The following ARHGAP26 variants were observed in gnomAD, a reference collection of about 807,000 sequenced individuals.
The protein encoded by ARHGAP26 is rho GTPase-activating protein 26.
A neutral mutation model predicts 104.8 loss-of-function variants in ARHGAP26; 38 were observed. That is an observed-to-expected ratio of 0.36 (90% CI 0.28 to 0.48). The LOEUF (loss-of-function observed/expected upper bound fraction) is 0.48. Among genes scored for constraint, ARHGAP26 ranks in the 20% least tolerant of loss-of-function variants. The pLI, the probability that ARHGAP26 is intolerant of heterozygous loss-of-function variation, is 0.99. For synonymous variants in ARHGAP26, 341 were observed against 340.0 expected (o/e 1.00, Z -0.03); for missense variants, 704 against 947.9 (o/e 0.74, Z 3.38).
chr5:142,926,537 C>G lies in ARHGAP26; in HGVS notation c.1029-5510C>G, dbSNP rs1205427659. On this transcript the variant is annotated intron_variant, in intron 10 of 22. Transcript: ENST00000645722. ...GATTTTTTAGAATTTGCCAAAGACCCCTTCTCTGTTCTTATTAGTTATCAG... is the reference window on the plus strand; with the variant it reads ...GATTTTTTAGAATTTGCCAAAGACCGCTTCTCTGTTCTTATTAGTTATCAG... Among the ~76,000 whole-genome samples, 4 of 152,102 alleles carry G rather than the reference C, an allele frequency of 2.6e-5. No individual in the cohort carries two copies. The East Asian group carries it at 5.8e-4, about 22-fold the overall frequency.
intron 11 of ARHGAP26, among the ~76,000 whole-genome samples, chr5:142,941,123 A>G (rs1017495144): frequency 1.3e-5 from 2 of 149,106 alleles, no homozygotes; most frequent in African/African-American, 4.9e-5. Flanking sequence ...CATTGGGTAT[A>G]TACCCAATGG....
intron 3 of ARHGAP26, among the ~76,000 whole-genome samples, chr5:142,877,186 G>A (rs1026599287): frequency 7.9e-5 from 12 of 152,240 alleles, no homozygotes; most frequent in Admixed American, 5.9e-4. Flanking sequence ...TCTACTGTCT[G>A]CATCTGAGTA....
Position 143,228,881 on chromosome 5 carries a change from A to G in ARHGAP26, c.*6435A>G, listed in dbSNP as rs1811859091. 1.6e-5 allele frequency: 3 copies of G among 188,120 alleles called. No individual in the cohort carries two copies. The East Asian group carries it at 2.5e-4, about 16-fold the overall frequency. 11.7% of individuals were successfully genotyped at this position (188,120 alleles called of 1,614,324 possible). A position where few individuals can be genotyped will look rare whatever the true frequency, so the allele number is the denominator to read the frequency against. The stretch of plus-strand genomic sequence containing the variant: ...GTGTCACCAAATATATCTATAAAGA[A>G]AACAAAATTTCTGTTCAGAGGCCTC... On this transcript the variant is annotated 3_prime_UTR_variant, in exon 23 of 23. Transcript: ENST00000645722.
chr5:143,012,557 A>ATATATATATATATATATATG (rs1351906175), intron 11 of ARHGAP26, among the ~76,000 whole-genome samples: 1 of 69,494 alleles, frequency 1.4e-5, no homozygotes, highest in Admixed American at 1.7e-4. Context: ...ACATACATAT[A>ATATATATATATATATATATG]TATATATATA....
Position 143,057,751 on chromosome 5 carries a change from G to A in ARHGAP26, c.1538+4G>A, listed in dbSNP as rs895731255. 1.2e-6 allele frequency: 2 copies of A among 1,611,838 alleles called. No homozygotes were observed. The highest frequency in any genetic ancestry group is 2.7e-5 in the African/African-American group (2 of 74,836). On this transcript the variant is annotated splice_donor_region_variant and intron_variant, in intron 17 of 22. Transcript: ENST00000645722. ...TGCTCATGAACCACTTGGCAAAGTA[G>A]GTTTAAGACCAATTACTAGCCTTTT... is the stretch of plus-strand genomic sequence containing the variant.
chr5:143,066,548 G>A (rs1484732035), intron 17 of ARHGAP26, among the ~76,000 whole-genome samples: 2 of 152,182 alleles, frequency 1.3e-5, no homozygotes, highest in Admixed American at 6.5e-5. Flanking sequence ...ATCCGGGAAC[G>A]GGAGAAAGAA....
In ARHGAP26 at chr5:143,226,669, G is replaced by A. The variant is rs559403889; in HGVS notation, c.*4223G>A. On this transcript the variant is annotated 3_prime_UTR_variant, in exon 23 of 23. Coordinates refer to ENST00000645722, the MANE Select transcript of ARHGAP26 (RefSeq NM_001135608.3). ...GGCCTGCCTTGGTGTCCTAGAATTG[G>A]AGCCAGTCTTTAGCTTAATGTCTGA... 4.7e-6 allele frequency: 1 copy of A among 214,388 alleles called. No individual in the cohort carries two copies. The highest frequency in any genetic ancestry group is 2.3e-5 in the African/African-American group (1 of 44,284). The allele number at this position is 214,388 out of a possible 1,614,324, so 13.3% of individuals were successfully genotyped here.
intron 17 of ARHGAP26, among the ~76,000 whole-genome samples, chr5:143,104,608 G>A (rs1330081306): frequency 6.6e-6 from 1 of 152,136 alleles, no homozygotes; most frequent in Non-Finnish European, 1.5e-5. Context: ...GCACATATTT[G>A]TGTACATAGA....
chr5:143,149,898 G>A (rs1232098184), intron 20 of ARHGAP26, among the ~76,000 whole-genome samples: 2 of 152,130 alleles, frequency 1.3e-5, no homozygotes, highest in African/African-American at 4.8e-5. Context: ...TTTTCATAAT[G>A]ACTGGGATAT....
At chr5:142,851,370 T>C (rs1296161093) in intron 1 of ARHGAP26, among the ~76,000 whole-genome samples, 1 of 152,214 alleles carries the variant, frequency 6.6e-6, no homozygotes, top group African/African-American at 2.4e-5. Context: ...GTGCTGGGAT[T>C]ACAGGCGTGA....
chr5:143,146,064 C>T (rs1799119010), intron 19 of ARHGAP26, among the ~76,000 whole-genome samples: 1 of 152,128 alleles, frequency 6.6e-6, no homozygotes, highest in Non-Finnish European at 1.5e-5. Flanking sequence ...ATACCCCTGA[C>T]TCGCTGCAAA....
intron 20 of ARHGAP26, among the ~76,000 whole-genome samples, chr5:143,172,740 C>T (rs1399014480): frequency 6.6e-6 from 1 of 152,162 alleles, no homozygotes; most frequent in Non-Finnish European, 1.5e-5. Flanking sequence ...TGGTGATCGG[C>T]CTGGTAACAG....
chr5:142,931,994 A>G lies in ARHGAP26; in HGVS notation c.1029-53A>G, dbSNP rs976842667. On this transcript the variant is annotated intron_variant, in intron 10 of 22. Coordinates refer to ENST00000645722, the MANE Select transcript of ARHGAP26 (RefSeq NM_001135608.3). ...GGATGTTTAAGATTTGCCTTCACCA[A>G]TCTCTCTACATGTGGCACTGGTTTC... 3.9e-5 allele frequency: 60 copies of G among 1,541,580 alleles called. No individual in the cohort carries two copies. In the Admixed American group the frequency reaches 8.0e-4, roughly 21 times the overall value.
intron 11 of ARHGAP26, among the ~76,000 whole-genome samples, chr5:142,997,561 AC>A (rs1267565335): frequency 7.1e-6 from 1 of 140,210 alleles, no homozygotes; most frequent in East Asian, 2.0e-4. Flanking sequence ...GGTGCATGCC[AC>A]CCATGCCTGG....
At chr5:143,012,565 ATATATATATATT>A (rs1486474003) in intron 11 of ARHGAP26, among the ~76,000 whole-genome samples, 1 of 74,488 alleles carries the variant, frequency 1.3e-5, no homozygotes, top group African/African-American at 3.6e-5. Flanking sequence ...ATATATATAT[ATATATATATATT>A]ATGATCAGGT....
At chr5:143,021,619 C>T (rs568385478) in intron 12 of ARHGAP26, among the ~76,000 whole-genome samples, 21 of 151,914 alleles carry the variant, frequency 1.4e-4, no homozygotes, top group African/African-American at 4.8e-4. Flanking sequence ...ACAGGTGGTG[C>T]GCCTCTCTAA....
chr5:142,964,543 AACACACACACAC>A (rs200282524), intron 11 of ARHGAP26, among the ~76,000 whole-genome samples: 1 of 74,684 alleles, frequency 1.3e-5, no homozygotes, highest in Admixed American at 1.4e-4. Flanking sequence ...CTCTGTTTAA[AACACACACACAC>A]ACACACACAC....
At chr5:142,984,999 G>A (rs889592427) in intron 11 of ARHGAP26, among the ~76,000 whole-genome samples, 14 of 151,974 alleles carry the variant, frequency 9.2e-5, no homozygotes, top group Admixed American at 3.3e-4. Context: ...TATCATAGAC[G>A]ACAGCTCTAT....
intron 10 of ARHGAP26, among the ~76,000 whole-genome samples, chr5:142,922,967 A>G (rs942385175): frequency 1.3e-5 from 2 of 152,108 alleles, no homozygotes; most frequent in Non-Finnish European, 2.9e-5. Flanking sequence ...TCTGACTTCC[A>G]TGACTTGAGT....
Sources: gnomAD v4.1 joint callset for allele counts (sites outside exome capture counted in the v4.1 genomes callset) on GRCh38, gnomAD v4.1.1 for gene constraint, MANE v1.5 for transcripts, NCBI Gene and HGNC (gene_info 2026-07-23, HGNC 2026-07-21) for gene names.